Variants in HHAT observed in about 807,000 individuals in gnomAD.
HHAT encodes hedgehog acyltransferase.
In HHAT, 47 loss-of-function variants were observed where a neutral mutation model predicts 70.8. The ratio of observed to expected loss-of-function variants is 0.66; its 90% CI spans 0.53 to 0.85. The LOEUF is 0.85. Among genes scored for constraint, HHAT ranks in the 40% least tolerant of loss-of-function variants. The probability of loss-of-function intolerance (pLI) is 0.00; values close to 1 mark genes in which losing one functional copy is unlikely to be tolerated. For missense variants in HHAT, 609 were observed against 604.8 expected (o/e 1.01, Z -0.07); for synonymous variants, 228 against 247.6 (o/e 0.92, Z 0.74).
intron 8 of HHAT, among the ~76,000 whole-genome samples, chr1:210,466,519 T>C (rs1176919125): frequency 6.6e-6 from 1 of 152,210 alleles, no homozygotes; most frequent in Non-Finnish European, 1.5e-5. Context: ...CACAAGTGTC[T>C]GGTGTGAACC....
intron 1 of HHAT, among the ~76,000 whole-genome samples, chr1:210,348,727 G>A (rs1193717283): frequency 1.7e-5 from 2 of 117,612 alleles, no homozygotes; most frequent in Non-Finnish European, 3.4e-5. Flanking sequence ...CATGTGTGGT[G>A]TATGTGTGCG....
At chr1:210,500,947 C>T (rs1194130638) in intron 8 of HHAT, among the ~76,000 whole-genome samples, 3 of 152,304 alleles carry the variant, frequency 2.0e-5, no homozygotes, top group East Asian at 1.9e-4. Flanking sequence ...TCTTTTTCTG[C>T]AAAGCCCAGC....
intron 11 of HHAT, among the ~76,000 whole-genome samples, chr1:210,637,956 G>A (rs973234481): frequency 6.6e-6 from 1 of 151,994 alleles, no homozygotes; most frequent in Non-Finnish European, 1.5e-5. Context: ...ATTCAGCATC[G>A]TTAGACTTCA....
chr1:210,488,172 A>G (rs947938777), intron 8 of HHAT, among the ~76,000 whole-genome samples: 3 of 152,242 alleles, frequency 2.0e-5, no homozygotes, highest in Admixed American at 6.5e-5. Flanking sequence ...ACAGCAATTT[A>G]TAACACAGAA....
At chr1:210,396,939 T>C (rs2091821630) in intron 4 of HHAT, among the ~76,000 whole-genome samples, 1 of 152,196 alleles carries the variant, frequency 6.6e-6, no homozygotes, top group Admixed American at 6.5e-5. Context: ...AAGGAATCCT[T>C]GTGGTGATGG....
intron 8 of HHAT, among the ~76,000 whole-genome samples, chr1:210,472,866 T>C (rs188290402): frequency 6.6e-6 from 1 of 152,342 alleles, no homozygotes; most frequent in Admixed American, 6.5e-5. Context: ...CAAGATTTTC[T>C]GATTAACTAT....
intron 8 of HHAT, among the ~76,000 whole-genome samples, chr1:210,470,184 A>C (rs977448573): frequency 5.9e-5 from 9 of 152,172 alleles, no homozygotes; most frequent in African/African-American, 2.2e-4. Context: ...GAAAAGAAAG[A>C]CCCGATAGGG....
chr1:210,425,346 A>C (rs1204668042), intron 7 of HHAT, among the ~76,000 whole-genome samples: 1 of 151,986 alleles, frequency 6.6e-6, no homozygotes, highest in Non-Finnish European at 1.5e-5. Flanking sequence ...AAGCTCTTTA[A>C]TTAGATCCCA....
chr1:210,541,437 A>G (rs2095429773), intron 9 of HHAT, among the ~76,000 whole-genome samples: 2 of 152,152 alleles, frequency 1.3e-5, no homozygotes, highest in South Asian at 4.1e-4. Flanking sequence ...TGCTCTAGAA[A>G]AGAATACCAG....
intron 9 of HHAT, among the ~76,000 whole-genome samples, chr1:210,540,523 G>GCTCT (rs3067934): frequency 6.8e-6 from 1 of 147,390 alleles, no homozygotes; most frequent in Non-Finnish European, 1.5e-5. Context: ...ACAAACACAC[G>GCTCT]CTCTCTCTCT....
At chr1:210,513,369 A>G (rs1199380572) in intron 9 of HHAT, among the ~76,000 whole-genome samples, 181 bp downstream of exon 9, 2 of 152,212 alleles carry the variant, frequency 1.3e-5, no homozygotes. Context: ...TAAACAATTA[A>G]AGAAATCAAT....
At chr1:210,569,309 G>A (rs945556649) in intron 9 of HHAT, among the ~76,000 whole-genome samples, 36 of 141,000 alleles carry the variant, frequency 2.6e-4, no homozygotes, top group Non-Finnish European at 4.7e-4. Context: ...GGGAGGCGGA[G>A]GTTGCAGTAA....
intron 7 of HHAT, among the ~76,000 whole-genome samples, chr1:210,461,796 GA>G (rs375730252): frequency 1.5e-4 from 23 of 151,484 alleles, no homozygotes; most frequent in African/African-American, 4.1e-4. Flanking sequence ...AAATTTCAAG[GA>G]AAAAAAATCT....
rs553012730 is a variant in HHAT, at chr1:210,383,464, T to C, written c.160-4004T>C. Among the ~76,000 whole-genome samples, 12 of 152,174 alleles carry C rather than the reference T, an allele frequency of 7.9e-5. No individual in the cohort carries two copies. The South Asian group carries it at 2.3e-3, about 29-fold the overall frequency. ...TAAAAAGATCATTGTTTGCCAGGGA[T>C]TGAGGGGAGCAGGGCCAGGGTGGGA... On this transcript the variant is annotated intron_variant, in intron 3 of 11. Coordinates refer to ENST00000261458, the MANE Select transcript of HHAT (RefSeq NM_018194.6).
chr1:210,657,225 G>T (rs539095443), intron 11 of HHAT, among the ~76,000 whole-genome samples: 2 of 152,204 alleles, frequency 1.3e-5, no homozygotes, highest in Non-Finnish European at 2.9e-5. Flanking sequence ...TCTTAGGCAG[G>T]AGGACCAGGG....
intron 1 of HHAT, among the ~76,000 whole-genome samples, chr1:210,334,930 A>G (rs1486402095): frequency 1.3e-5 from 2 of 152,176 alleles, no homozygotes; most frequent in Admixed American, 6.5e-5. Context: ...TACCAAAAAC[A>G]TTGAATTTGT....
intron 8 of HHAT, among the ~76,000 whole-genome samples, chr1:210,497,377 G>A (rs1483491305): frequency 6.6e-6 from 1 of 152,316 alleles, no homozygotes; most frequent in Admixed American, 6.5e-5. Context: ...CAGGCTAGAA[G>A]TCTCTAGTTA....
At chr1:210,423,984 C>T (rs2148295607) in intron 7 of HHAT, among the ~76,000 whole-genome samples, 1 of 152,286 alleles carries the variant, frequency 6.6e-6, no homozygotes, top group East Asian at 1.9e-4. Flanking sequence ...CTGACTCCAG[C>T]TTTGTACTTT....
chr1:210,611,967 C>CT (rs1234124290), intron 10 of HHAT, among the ~76,000 whole-genome samples: 2 of 152,042 alleles, frequency 1.3e-5, no homozygotes, highest in Non-Finnish European at 2.9e-5. Context: ...CTGAAGTGTT[C>CT]TTTTTTTGTT....
Sources: gnomAD v4.1 joint callset for allele counts (sites outside exome capture counted in the v4.1 genomes callset) on GRCh38, gnomAD v4.1.1 for gene constraint, MANE v1.5 for transcripts, NCBI Gene and HGNC (gene_info 2026-07-23, HGNC 2026-07-21) for gene names.